DCAF17: variants seen among roughly 807,000 people sequenced by gnomAD.
DCAF17 encodes the protein DDB1- and CUL4-associated factor 17.
A neutral mutation model predicts 66.0 loss-of-function variants in DCAF17; 48 were observed. The observed-to-expected ratio is 0.73, with a 90% CI of 0.58 to 0.92. DCAF17 has a LOEUF of 0.92. DCAF17 is among the 40% of genes least tolerant of loss of function. DCAF17 has a pLI of 0.00. For synonymous variants in DCAF17, 206 were observed against 214.6 expected (o/e 0.96, Z 0.35); for missense variants, 562 against 622.8 (o/e 0.90, Z 1.04).
intron 5 of DCAF17, among the ~76,000 whole-genome samples, chr2:171,450,631 T>C (rs1247895488): frequency 6.6e-6 from 1 of 152,176 alleles, no homozygotes; most frequent in Non-Finnish European, 1.5e-5. Context: ...TTTCTGTTTC[T>C]TTATACACCG....
chr2:171,442,123 C>T (rs991673704), intron 2 of DCAF17, among the ~76,000 whole-genome samples: 10 of 152,176 alleles, frequency 6.6e-5, no homozygotes, highest in African/African-American at 1.9e-4. Flanking sequence ...GTTATAATCG[C>T]ATATGAAGTT....
chr2:171,466,727 G>GTTTTTTTT (rs74268270), intron 8 of DCAF17, among the ~76,000 whole-genome samples: 1 of 133,634 alleles, frequency 7.5e-6, no homozygotes, highest in Non-Finnish European at 1.6e-5. Flanking sequence ...TGTTTGTACT[G>GTTTTTTTT]TTTTTTTTTT....
intron 2 of DCAF17, among the ~76,000 whole-genome samples, chr2:171,435,436 G>A (rs922395040): frequency 7.9e-5 from 12 of 152,116 alleles, no homozygotes; most frequent in Admixed American, 6.5e-4. Context: ...ATTGTTCAGA[G>A]TACTGTTTAG....
At chr2:171,454,882 CAA>C (rs1260304343) in intron 6 of DCAF17, among the ~76,000 whole-genome samples, 6 of 138,030 alleles carry the variant, frequency 4.3e-5, no homozygotes, top group African/African-American at 2.6e-5. Flanking sequence ...AACTCCATCT[CAA>C]AAAAAAAAAA....
Position 171,460,543 on chromosome 2 carries a change from A to ATTATTT in DCAF17, c.838+2066_838+2067insTTATTT, listed in dbSNP as rs1179035573. 8.7e-3 allele frequency among the ~76,000 whole-genome samples: 1,193 copies of ATTATTT among 136,592 alleles called. 210 individuals carry two copies. The highest frequency in any genetic ancestry group is 0.066 in the Admixed American group (853 of 13,002). 89.6% of individuals were successfully genotyped at this position (136,592 alleles called of 152,430 possible). A position where few individuals can be genotyped will look rare whatever the true frequency, so the allele number is the denominator to read the frequency against. On this transcript the variant is annotated intron_variant, in intron 8 of 13. Transcript: ENST00000375255. ...TATTATTATTATTATTATTATTATTAATTTTGAGACAGGGTCTCACTCTGT... is the reference window on the plus strand; with the variant it reads ...TATTATTATTATTATTATTATTATTATTATTTATTTTGAGACAGGGTCTCACTCTGT...
chr2:171,480,058 T>C lies in DCAF17; in HGVS notation c.1287T>C (p.Tyr429=), dbSNP rs145955312. 49 of 1,613,692 alleles carry C rather than the reference T, an allele frequency of 3.0e-5. No individual in the cohort carries two copies. The highest frequency in any genetic ancestry group is 3.8e-5 in the Non-Finnish European group (45 of 1,179,704). ...CAAAGACTTTCAAAATTGTGGACTA[T>C]GAAGATGAGTTAGATTTGCTTTCTG... ...PEQETFKIVD[Y]EDELDLLSVV... is the part of the protein sequence containing the mutation. The change falls in exon 13 of 14, where the codon TAT becomes TAC. Residue 429 remains tyrosine (Y), a synonymous_variant. Coordinates refer to ENST00000375255, the MANE Select transcript of DCAF17 (RefSeq NM_025000.4).
In DCAF17 at chr2:171,485,041, A is replaced by T. The variant is rs554603193; in HGVS notation, c.*3927A>T. The T allele has an allele frequency of 2.2e-6, 1 of 451,492 alleles. No homozygotes were observed. Among genetic ancestry groups the T allele is most frequent in the African/African-American group, 2.0e-5 (1 of 49,876 alleles). 28.0% of individuals were successfully genotyped at this position (451,492 alleles called of 1,614,324 possible). A position where few individuals can be genotyped will look rare whatever the true frequency, so the allele number is the denominator to read the frequency against. On this transcript the variant is annotated 3_prime_UTR_variant, in exon 14 of 14. Transcript: ENST00000375255. Reference sequence around the variant, plus strand: ...TGTTATGAATAAAGCTGCTATGAACATTCTTAGACAATTCTTTTGTGAACA... The same window carrying T: ...TGTTATGAATAAAGCTGCTATGAACTTTCTTAGACAATTCTTTTGTGAACA...
intron 8 of DCAF17, among the ~76,000 whole-genome samples, chr2:171,459,763 G>A (rs934602741): frequency 3.9e-5 from 6 of 152,058 alleles, no homozygotes; most frequent in Admixed American, 3.3e-4. Context: ...AAAAACTACT[G>A]GGAGTTCAAG....
intron 2 of DCAF17, among the ~76,000 whole-genome samples, chr2:171,440,752 C>T (rs1694261445): frequency 6.6e-6 from 1 of 152,092 alleles, no homozygotes; most frequent in Non-Finnish European, 1.5e-5. Flanking sequence ...ATTGTTGGCT[C>T]CAGTGGCTTG....
intron 5 of DCAF17, among the ~76,000 whole-genome samples, chr2:171,451,763 A>T (rs1027142496): frequency 5.3e-5 from 8 of 151,994 alleles, no homozygotes; most frequent in African/African-American, 1.9e-4. Context: ...TTTACTAGAG[A>T]CGGGGTTTCA....
At chr2:171,467,428 C>T (rs1308829259) in intron 8 of DCAF17, among the ~76,000 whole-genome samples, 1 of 152,024 alleles carries the variant, frequency 6.6e-6, no homozygotes, top group African/African-American at 2.4e-5. Flanking sequence ...CAGTGGCTCA[C>T]CTGTAATCCA....
intron 3 of DCAF17, among the ~76,000 whole-genome samples, chr2:171,446,605 A>G: frequency 6.6e-6 from 1 of 152,254 alleles, no homozygotes; most frequent in Non-Finnish European, 1.5e-5. Context: ...CTAAGTGATA[A>G]ACATTCAGGA....
At chr2:171,441,927 A>G (rs1694326830) in intron 2 of DCAF17, among the ~76,000 whole-genome samples, 1 of 152,180 alleles carries the variant, frequency 6.6e-6, no homozygotes, top group South Asian at 2.1e-4. Context: ...TGGACATGTT[A>G]TCTTATCATG....
chr2:171,468,780 A>C (rs762855426), intron 8 of DCAF17, 108 bp from the exon 9 acceptor site: 27 of 1,403,910 alleles, frequency 1.9e-5, no homozygotes, highest in African/African-American at 2.8e-5. Flanking sequence ...TTTTTCATTA[A>C]TAGAAATTTA....
intron 5 of DCAF17, among the ~76,000 whole-genome samples, chr2:171,451,228 G>A (rs986956823): frequency 6.6e-6 from 1 of 151,754 alleles, no homozygotes; most frequent in Non-Finnish European, 1.5e-5. Context: ...CAAACTATTT[G>A]TTGGCTACTT....
chr2:171,458,354 G>C lies in DCAF17; in HGVS notation c.733-18G>C. 2 of 1,602,690 alleles carry C rather than the reference G, an allele frequency of 1.2e-6. No homozygotes were observed. The highest frequency in any genetic ancestry group is 1.7e-6 in the Non-Finnish European group (2 of 1,169,832). Reference sequence around the variant, plus strand: ...AATAGGTGCTAAAGCCACCATTTTTGTTTTGTTTTGTTTTTAGTTCATGCA... The same window carrying C: ...AATAGGTGCTAAAGCCACCATTTTTCTTTTGTTTTGTTTTTAGTTCATGCA... On this transcript the variant is annotated intron_variant, in intron 7 of 13. Coordinates refer to ENST00000375255, the MANE Select transcript of DCAF17 (RefSeq NM_025000.4).
chr2:171,482,245 C>A lies in DCAF17; in HGVS notation c.*1131C>A. 4.4e-6 allele frequency: 2 copies of A among 453,920 alleles called. No individual in the cohort carries two copies. Among genetic ancestry groups the A allele is most frequent in the South Asian group, 3.1e-5 (2 of 64,406 alleles). The allele number at this position is 453,920 out of a possible 1,614,324, so 28.1% of individuals were successfully genotyped here. On this transcript the variant is annotated 3_prime_UTR_variant, in exon 14 of 14. Transcript: ENST00000375255. ...TGTTCTGCACATTTATCCGATGTAA[C>A]CTCAAAAGAATAACTGGTAATAAGG...
intron 2 of DCAF17, 55 bp from the exon 3 acceptor site, chr2:171,443,468 C>T: frequency 6.7e-7 from 1 of 1,487,486 alleles, no homozygotes; most frequent in Admixed American, 1.7e-5. Flanking sequence ...CAAACCTGAA[C>T]AAATACTGTC....
intron 9 of DCAF17, among the ~76,000 whole-genome samples, chr2:171,473,302 T>C (rs934661414): frequency 6.6e-6 from 1 of 152,074 alleles, no homozygotes; most frequent in African/African-American, 2.4e-5. Context: ...TGCTGTTTAG[T>C]AGGTTGAAAA....
Sources: gnomAD v4.1 joint callset for allele counts (sites outside exome capture counted in the v4.1 genomes callset) on GRCh38, gnomAD v4.1.1 for gene constraint, MANE v1.5 for transcripts, NCBI Gene and HGNC (gene_info 2026-07-23, HGNC 2026-07-21) for gene names.